Variants in TJP3 observed in about 807,000 individuals in gnomAD.
TJP3 encodes the protein tight junction protein 3.
TJP3 carries 85 observed loss-of-function variants against 104.2 expected under a neutral mutation model. The observed-to-expected ratio is 0.82, with a 90% CI of 0.68 to 0.98. The LOEUF is 0.98. TJP3 is among the 50% of genes least tolerant of loss of function. The pLI is 0.00. For missense variants in TJP3, 1,367 were observed against 1,322.8 expected, an observed-to-expected ratio of 1.03 and a Z score of -0.52; for synonymous variants, 550 against 550.6, an observed-to-expected ratio of 1.00 and a Z score of 0.02.
At position 3,746,947 on chromosome 19, in the gene TJP3, G is replaced by C; in HGVS notation, c.2322+71G>C. The C allele has an allele frequency of 2.0e-6, 3 of 1,464,346 alleles. No homozygotes were observed. The South Asian group carries it at 3.6e-5, about 18-fold the overall frequency. The allele number at this position is 1,464,346 out of a possible 1,614,324, so 90.7% of individuals were successfully genotyped here. The stretch of plus-strand genomic sequence containing the variant: ...GCTGTGCAGGCCCAGCTGGGGTTTG[G>C]GGCCTCTGTCGGGAGTTAGGGCTTG... On this transcript the variant is annotated intron_variant, in intron 18 of 20. Coordinates refer to ENST00000541714, the MANE Select transcript of TJP3 (RefSeq NM_001267560.2). This position sits in a 1 kb window ranked among gnomAD's most constrained non-coding sequence, Gnocchi z 4.1.
At chr19:3,717,781 T>C (rs1168721928) in intron 1 of TJP3, among the ~76,000 whole-genome samples, 1 of 151,850 alleles carries the variant, frequency 6.6e-6, no homozygotes, top group Non-Finnish European at 1.5e-5. Flanking sequence ...GGGGTCTCAC[T>C]GTGTTGCCCA....
In TJP3 at chr19:3,746,581, C is replaced by T. The variant is rs750210634; in HGVS notation, c.2107C>T (p.Arg703Trp). The T allele has an allele frequency of 8.1e-6, 13 of 1,613,864 alleles. No homozygotes were observed. The highest frequency in any genetic ancestry group is 4.5e-5 in the East Asian group (2 of 44,888). ...TGTGGTCTTCTTCATCCCCGAGAGCCGGCCGGCCCTCAAGGCACTGCGCCA... is the reference window on the plus strand; with the variant it reads ...TGTGGTCTTCTTCATCCCCGAGAGCTGGCCGGCCCTCAAGGCACTGCGCCA... ...PIVVFFIPES[R>W]PALKALRQWL... is the part of the protein sequence containing the mutation. Residue 703 changes from arginine (R) to tryptophan (W), a missense_variant, in exon 17 of 21, where the codon CGG (arginine) becomes TGG (tryptophan). By Grantham distance (101) the Arg-to-Trp change is moderately radical. Coordinates refer to ENST00000541714, the MANE Select transcript of TJP3 (RefSeq NM_001267560.2). The surrounding 1 kb of genome is among the most constrained non-coding windows in gnomAD (Gnocchi z 4.1).
At chr19:3,717,985 G>T (rs1487393942) in intron 1 of TJP3, among the ~76,000 whole-genome samples, 2 of 151,194 alleles carry the variant, frequency 1.3e-5, no homozygotes, top group African/African-American at 2.4e-5. Flanking sequence ...GGAGGCCGAG[G>T]GGGGCGGATC....
At chr19:3,721,723 AG>A in intron 1 of TJP3, 2 of 362,728 alleles carry the variant, frequency 5.5e-6, no homozygotes, top group African/African-American at 4.2e-5. Flanking sequence ...TGGAGGAGGA[AG>A]AGGGGCAGGT....
intron 6 of TJP3, 64 bp downstream of exon 6, chr19:3,732,102 C>T (rs978466542): frequency 5.5e-5 from 75 of 1,363,548 alleles, no homozygotes; most frequent in South Asian, 2.4e-4. Context: ...GGCAGTCCCA[C>T]GGAGTCATAC....
chr19:3,730,310 C>G lies in TJP3; in HGVS notation c.262-45C>G, dbSNP rs201414296. ...CCCGGGGGCTGAGCAGAGCCTCCCC[C>G]AGCCCTTGCCTGTAGCTGACCCTTC... On this transcript the variant is annotated intron_variant, in intron 4 of 20. Coordinates refer to ENST00000541714, the MANE Select transcript of TJP3 (RefSeq NM_001267560.2). This position sits in a 1 kb window ranked among gnomAD's most constrained non-coding sequence, Gnocchi z 7.3. 2 of 1,496,976 alleles carry G rather than the reference C, an allele frequency of 1.3e-6. No individual in the cohort carries two copies. Among genetic ancestry groups the G allele is most frequent in the South Asian group, 1.3e-5 (1 of 75,412 alleles). The allele number at this position is 1,496,976 out of a possible 1,614,324, so 92.7% of individuals were successfully genotyped here.
chr19:3,734,903 G>C (rs1056827189), intron 8 of TJP3, among the ~76,000 whole-genome samples: 1 of 152,112 alleles, frequency 6.6e-6, no homozygotes, highest in Non-Finnish European at 1.5e-5. Context: ...GCAGTGAGCC[G>C]AGATCGTGTC....
rs1182693095 is a variant in TJP3, at chr19:3,718,154, T to G, written c.-10+9593T>G. On this transcript the variant is annotated intron_variant, in intron 1 of 20. Transcript: ENST00000541714. Reference sequence around the variant, plus strand: ...CCGGGAAGCAGAGCTTGCAGTGAGCTGAGATTGCGCCTGGGCAACAGGGCG... The same window carrying G: ...CCGGGAAGCAGAGCTTGCAGTGAGCGGAGATTGCGCCTGGGCAACAGGGCG... Among the ~76,000 whole-genome samples the G allele has an allele frequency of 1.8e-4, 23 of 128,390 alleles. 1 individual carries two copies. The South Asian group carries it at 4.8e-3, about 27-fold the overall frequency. The allele number at this position is 128,390 out of a possible 152,430, so 84.2% of individuals were successfully genotyped here.
Position 3,730,793 on chromosome 19 carries a change from G to A in TJP3, c.613+87G>A. 1 of 1,397,458 alleles carries A rather than the reference G, an allele frequency of 7.2e-7. No homozygotes were observed. The highest frequency in any genetic ancestry group is 9.5e-7 in the Non-Finnish European group (1 of 1,049,970). The allele number at this position is 1,397,458 out of a possible 1,614,324, so 86.6% of individuals were successfully genotyped here. A position where few individuals can be genotyped will look rare whatever the true frequency, so the allele number is the denominator to read the frequency against. The stretch of plus-strand genomic sequence containing the variant: ...GGCGACGGTTTCAAGTGATTCTCCT[G>A]CCTCAGCCTCCCTGGTGGCTGGGAC... On this transcript the variant is annotated intron_variant, in intron 5 of 20. Coordinates refer to ENST00000541714, the MANE Select transcript of TJP3 (RefSeq NM_001267560.2). This position sits in a 1 kb window ranked among gnomAD's most constrained non-coding sequence, Gnocchi z 7.3.
intron 7 of TJP3, 87 bp downstream of exon 7, chr19:3,733,999 G>C: frequency 1.3e-6 from 2 of 1,519,978 alleles, no homozygotes; most frequent in Non-Finnish European, 1.8e-6. Context: ...AGGAATCAAT[G>C]AGCCTGGTCC....
At chr19:3,711,391 G>A (rs1468330948) in intron 1 of TJP3, among the ~76,000 whole-genome samples, 2 of 139,984 alleles carry the variant, frequency 1.4e-5, no homozygotes, top group Admixed American at 7.4e-5. Flanking sequence ...TAGAGACAGG[G>A]TTTCACCGTA....
rs1286169678 is a variant in TJP3, at chr19:3,732,055, T to C, written c.717+17T>C. ...ATTCTACAGGTGAGGCCGGGCTTCTTGTCCTGAGAGCAGGGAGACAAGGCA... is the reference window on the plus strand; with the variant it reads ...ATTCTACAGGTGAGGCCGGGCTTCTCGTCCTGAGAGCAGGGAGACAAGGCA... On this transcript the variant is annotated intron_variant, in intron 6 of 20. Coordinates refer to ENST00000541714, the MANE Select transcript of TJP3 (RefSeq NM_001267560.2). 1 of 1,605,872 alleles carries C rather than the reference T, an allele frequency of 6.2e-7. No homozygotes were observed. Among genetic ancestry groups the C allele is most frequent in the Non-Finnish European group, 8.5e-7 (1 of 1,176,660 alleles).
intron 6 of TJP3, 81 bp downstream of exon 6, chr19:3,732,119 G>T: frequency 8.3e-7 from 1 of 1,203,196 alleles, no homozygotes; most frequent in Non-Finnish European, 1.2e-6. Context: ...ATACAGCAAG[G>T]ACAGCAGAAC....
chr19:3,748,851 T>C (rs1044072859), intron 19 of TJP3, among the ~76,000 whole-genome samples: 9 of 68,924 alleles, frequency 1.3e-4, no homozygotes, highest in Non-Finnish European at 2.4e-4. Flanking sequence ...ACCCGGCCTT[T>C]TTTTTTTTTT....
chr19:3,745,487 T>G (rs2036875050), intron 15 of TJP3, among the ~76,000 whole-genome samples: 1 of 152,100 alleles, frequency 6.6e-6, no homozygotes, highest in Non-Finnish European at 1.5e-5. Context: ...GGGGATGAGA[T>G]CACGTCTCCC....
chr19:3,750,327 G>C lies in TJP3; in HGVS notation c.2657+143G>C. 3.3e-6 allele frequency: 4 copies of C among 1,215,938 alleles called. No individual in the cohort carries two copies. The South Asian group carries it at 5.5e-5, about 17-fold the overall frequency. The allele number at this position is 1,215,938 out of a possible 1,614,324, so 75.3% of individuals were successfully genotyped here. A position where few individuals can be genotyped will look rare whatever the true frequency, so the allele number is the denominator to read the frequency against. Reference sequence around the variant, plus strand: ...ACAGAGCCTGCCAGAGCCTCTCTAAGCCCCATATAATCAGGGCCAAGGGAG... The same window carrying C: ...ACAGAGCCTGCCAGAGCCTCTCTAACCCCCATATAATCAGGGCCAAGGGAG... On this transcript the variant is annotated intron_variant, in intron 20 of 20. Coordinates refer to ENST00000541714, the MANE Select transcript of TJP3 (RefSeq NM_001267560.2).
intron 15 of TJP3, among the ~76,000 whole-genome samples, chr19:3,745,086 A>C (rs1217541925): frequency 6.6e-6 from 1 of 151,736 alleles, no homozygotes; most frequent in African/African-American, 2.4e-5. Context: ...CGTTTCTATA[A>C]AAGAAAAAAG....
intron 18 of TJP3, among the ~76,000 whole-genome samples, chr19:3,747,495 A>G (rs2036915014): frequency 6.6e-6 from 1 of 152,166 alleles, no homozygotes; most frequent in Non-Finnish European, 1.5e-5. Context: ...AGATTGCGCC[A>G]CAGCACTCCA....
rs765982577 is a variant in TJP3 at position 3,738,555 on chromosome 19, G to A, written c.1285G>A (p.Val429Met). The change falls in exon 12 of 21, where the codon GTG becomes ATG. Residue 429 changes from valine to methionine, a missense_variant and splice_region_variant. Coordinates refer to ENST00000541714, the MANE Select transcript of TJP3 (RefSeq NM_001267560.2). Reference sequence around the variant, plus strand: ...TATAGCTGCACTTGCTTTCTGGCAGGTGAATGACGTGCCATTCCAGAACCT... The same window carrying A: ...TATAGCTGCACTTGCTTTCTGGCAGATGAATGACGTGCCATTCCAGAACCT... ...GIQEGDQILQ[V>M]NDVPFQNLTR... 4 of 1,612,782 alleles carry A rather than the reference G, an allele frequency of 2.5e-6. No individual in the cohort carries two copies. The highest frequency in any genetic ancestry group is 2.2e-5 in the South Asian group (2 of 90,970).
Sources: allele counts gnomAD v4.1 joint callset (sites outside exome capture counted in the v4.1 genomes callset), GRCh38; gene constraint gnomAD v4.1.1; non-coding constraint Gnocchi (gnomAD v3.1); transcripts MANE v1.5; gene names NCBI Gene and HGNC (gene_info 2026-07-23, HGNC 2026-07-21).